SHISA6: variants seen among roughly 807,000 people sequenced by gnomAD.
SHISA6 encodes the protein protein shisa-6.
In SHISA6, 22 loss-of-function variants were observed where a neutral mutation model predicts 47.9. The ratio of observed to expected loss-of-function variants is 0.46; its 90% confidence interval spans 0.33 to 0.66. The LOEUF (loss-of-function observed/expected upper bound fraction) is 0.66, where lower values mean the gene tolerates loss of function less well. Ranked by LOEUF, SHISA6 falls within the 30% of genes least tolerant of loss-of-function variation. The pLI is 0.02. For synonymous variants in SHISA6, 388 were observed against 337.8 expected (o/e 1.15, Z -1.63); for missense variants, 680 against 764.6 (o/e 0.89, Z 1.30).
intron 3 of SHISA6, among the ~76,000 whole-genome samples, chr17:11,406,485 T>A (rs1391782512): frequency 1.3e-5 from 2 of 152,238 alleles, no homozygotes; most frequent in Non-Finnish European, 2.9e-5. Context: ...CCTTTGGACA[T>A]CACCTTCCCA....
intron 3 of SHISA6, among the ~76,000 whole-genome samples, chr17:11,468,320 T>A (rs2969232): frequency 1.2e-3 from 176 of 151,964 alleles, no homozygotes; most frequent in African/African-American, 4.0e-3. Flanking sequence ...TTTCTGGGTA[T>A]CTTAGCTGAG....
intron 2 of SHISA6, among the ~76,000 whole-genome samples, chr17:11,371,316 T>TGG (rs911201848): frequency 2.6e-5 from 4 of 152,108 alleles, no homozygotes; most frequent in African/African-American, 9.7e-5. Context: ...GAAGGAGCCC[T>TGG]GGGGCTTCCT....
intron 3 of SHISA6, among the ~76,000 whole-genome samples, chr17:11,413,215 A>T (rs1249676624): frequency 6.6e-6 from 1 of 152,172 alleles, no homozygotes; most frequent in South Asian, 2.1e-4. Context: ...GCCATCACAG[A>T]TCACCCTAAC....
intron 3 of SHISA6, among the ~76,000 whole-genome samples, chr17:11,488,738 C>T (rs947178272): frequency 3.9e-5 from 6 of 152,178 alleles, no homozygotes; most frequent in Non-Finnish European, 7.3e-5. Flanking sequence ...GTAATTCAGG[C>T]AGAAGCCCCA....
chr17:11,429,317 A>G (rs1216081533), intron 3 of SHISA6, among the ~76,000 whole-genome samples: 1 of 152,072 alleles, frequency 6.6e-6, no homozygotes. Flanking sequence ...TTATTACCTA[A>G]TCTCAGAAGT....
chr17:11,264,089 A>G (rs1331101062), intron 2 of SHISA6, among the ~76,000 whole-genome samples: 1 of 152,250 alleles, frequency 6.6e-6, no homozygotes, highest in Non-Finnish European at 1.5e-5. Context: ...ACTGTGAAGA[A>G]AATGGCAGGG....
rs572155445 is a variant in SHISA6, at chr17:11,304,148, G to A, written c.799+40622G>A. ...AGCGATAGGGTCCCCAGTGGGTAAC[G>A]AGGGCCTGACTGGCCAAGAGGCCCC... On this transcript the variant is annotated intron_variant, in intron 2 of 5. Coordinates refer to ENST00000441885, the MANE Select transcript of SHISA6 (RefSeq NM_207386.4). Among the ~76,000 whole-genome samples, 84 of 152,294 alleles carry A rather than the reference G, an allele frequency of 5.5e-4. 1 individual carries two copies. Among genetic ancestry groups the A allele is most frequent in the Admixed American group, 4.8e-3 (74 of 15,308 alleles).
chr17:11,267,155 A>G (rs917190160), intron 2 of SHISA6, among the ~76,000 whole-genome samples: 19 of 152,298 alleles, frequency 1.2e-4, no homozygotes, highest in African/African-American at 4.3e-4. Flanking sequence ...CAGCTTTCCA[A>G]CTTTAAAGAT....
chr17:11,477,592 CCA>C (rs1235303190), intron 3 of SHISA6, among the ~76,000 whole-genome samples: 1 of 128,790 alleles, frequency 7.8e-6, no homozygotes. Context: ...ACAGCAGTCC[CCA>C]GAGTGTGATA....
chr17:11,544,831 G>A (rs1416917159), intron 3 of SHISA6, among the ~76,000 whole-genome samples: 2 of 151,784 alleles, frequency 1.3e-5, no homozygotes, highest in African/African-American at 4.8e-5. Flanking sequence ...TGTGGTGGCA[G>A]ACAGCTGTAG....
At chr17:11,479,749 A>T (rs1597540849) in intron 3 of SHISA6, among the ~76,000 whole-genome samples, 2 of 151,868 alleles carry the variant, frequency 1.3e-5, no homozygotes, top group African/African-American at 2.4e-5. Flanking sequence ...ATATATATAT[A>T]ATATATATAC....
chr17:11,540,116 C>T (rs888596408), intron 3 of SHISA6, among the ~76,000 whole-genome samples: 4 of 152,142 alleles, frequency 2.6e-5, no homozygotes, highest in Non-Finnish European at 4.4e-5. Context: ...ACCATCTGCC[C>T]GAACCCCCAC....
chr17:11,516,099 A>T (rs887772718), intron 3 of SHISA6, among the ~76,000 whole-genome samples: 1 of 152,092 alleles, frequency 6.6e-6, no homozygotes, highest in African/African-American at 2.4e-5. Flanking sequence ...ATTCTCATAA[A>T]TCTCCATCAT....
At chr17:11,515,275 GAAAGA>G (rs199923816) in intron 3 of SHISA6, among the ~76,000 whole-genome samples, 6,084 of 133,240 alleles carry the variant, frequency 0.046, 240 homozygotes, top group Non-Finnish European at 0.058. Flanking sequence ...AGAAAATAGA[GAAAGA>G]AAAGAAAAGA....
At chr17:11,471,781 G>T (rs1256744601) in intron 3 of SHISA6, among the ~76,000 whole-genome samples, 2 of 152,130 alleles carry the variant, frequency 1.3e-5, no homozygotes, top group East Asian at 3.9e-4. Context: ...TTTCTTAAAA[G>T]ATATTTTTTA....
At chr17:11,262,085 G>T (rs1026218286) in intron 1 of SHISA6, among the ~76,000 whole-genome samples, 3 of 152,198 alleles carry the variant, frequency 2.0e-5, no homozygotes, top group Admixed American at 2.0e-4. Context: ...TCCATTTTGA[G>T]TTAGTTTTTT....
intron 3 of SHISA6, among the ~76,000 whole-genome samples, chr17:11,387,317 AG>A (rs1476337176): frequency 1.3e-5 from 2 of 152,142 alleles, no homozygotes; most frequent in African/African-American, 2.4e-5. Flanking sequence ...ATGCTAAAAA[AG>A]GGGTGAGTGC....
chr17:11,294,976 G>A (rs1017099849), intron 2 of SHISA6, among the ~76,000 whole-genome samples: 29 of 152,116 alleles, frequency 1.9e-4, no homozygotes, highest in African/African-American at 5.8e-4. Flanking sequence ...TTTCAAGCCC[G>A]CACACTAGGA....
At chr17:11,294,678 C>T (rs1213869067) in intron 2 of SHISA6, among the ~76,000 whole-genome samples, 8 of 152,082 alleles carry the variant, frequency 5.3e-5, no homozygotes, top group East Asian at 3.9e-4. Flanking sequence ...GGGCTATGTA[C>T]GTTCCAAGAC....
Sources: allele counts gnomAD v4.1 joint callset (sites outside exome capture counted in the v4.1 genomes callset), GRCh38; gene constraint gnomAD v4.1.1; transcripts MANE v1.5; gene names NCBI Gene and HGNC (gene_info 2026-07-23, HGNC 2026-07-21).